Variants in ANKRD12 observed in about 807,000 individuals in gnomAD.
The protein encoded by ANKRD12 is ankyrin repeat domain-containing protein 12.
A neutral mutation model predicts 183.4 loss-of-function variants in ANKRD12; 85 were observed. The ratio of observed to expected loss-of-function variants is 0.46; its 90% CI spans 0.39 to 0.56. The LOEUF (loss-of-function observed/expected upper bound fraction) is 0.56. ANKRD12 is among the 20% of genes least tolerant of loss of function. The pLI is 0.00. For synonymous variants in ANKRD12, 914 were observed against 800.2 expected (o/e 1.14, Z -2.40); for missense variants, 2,405 against 2,357.1 (o/e 1.02, Z -0.42).
At chr18:9,218,326 A>T (rs1023894524) in intron 7 of ANKRD12, among the ~76,000 whole-genome samples, 1 of 152,196 alleles carries the variant, frequency 6.6e-6, no homozygotes, top group Admixed American at 6.5e-5. Flanking sequence ...CATGCCTAGG[A>T]TAGTAGGAGT....
intron 1 of ANKRD12, among the ~76,000 whole-genome samples, chr18:9,161,814 A>G (rs1364980251): frequency 2.0e-5 from 3 of 151,778 alleles, no homozygotes. Context: ...CACATTCATT[A>G]TCTCTCATAT....
intron 11 of ANKRD12, among the ~76,000 whole-genome samples, chr18:9,278,583 G>A (rs1183394991): frequency 1.3e-5 from 2 of 152,202 alleles, no homozygotes; most frequent in South Asian, 2.1e-4. Context: ...CAGATCACGA[G>A]GTCAGGAGTT....
At chr18:9,270,592 A>G (rs1323340449) in intron 10 of ANKRD12, among the ~76,000 whole-genome samples, 2 of 152,120 alleles carry the variant, frequency 1.3e-5, no homozygotes, top group East Asian at 3.9e-4. Flanking sequence ...AGGAAGGGGA[A>G]TGTCACACAC....
chr18:9,213,563 A>G (rs2035925230), intron 6 of ANKRD12, among the ~76,000 whole-genome samples: 1 of 152,094 alleles, frequency 6.6e-6, no homozygotes, highest in South Asian at 2.1e-4. Context: ...GTAGAAAAGT[A>G]TAATGACATA....
chr18:9,250,269 T>G (rs1446491687), intron 8 of ANKRD12: 1 of 152,196 alleles, frequency 6.6e-6, no homozygotes, highest in Non-Finnish European at 1.5e-5. Flanking sequence ...TCTTTATCAT[T>G]GTTGGAGTTT....
intron 5 of ANKRD12, 67 bp downstream of exon 5, chr18:9,208,870 TAAC>T: frequency 5.2e-6 from 7 of 1,353,866 alleles, no homozygotes; most frequent in Non-Finnish European, 6.9e-6. Context: ...AGTCTCGTCT[TAAC>T]AATTATTTTA....
Position 9,257,572 on chromosome 18 carries a change from C to T in ANKRD12, c.4305C>T (p.Ile1435=). The T allele has an allele frequency of 1.2e-6, 2 of 1,614,052 alleles. No homozygotes were observed. The highest frequency in any genetic ancestry group is 1.7e-6 in the Non-Finnish European group (2 of 1,179,962). The change falls in exon 9 of 13, where the codon ATC becomes ATT. Residue 1435 remains isoleucine (I), a synonymous_variant. Transcript: ENST00000262126. ...AGACATTAAGCACCAGAGACTTTAT[C>T]TGCCCAAATTCTAACATACCTGATC... ...RLETLSTRDF[I]CPNSNIPDQE...
intron 2 of ANKRD12, among the ~76,000 whole-genome samples, chr18:9,189,640 C>T (rs1204414428): frequency 3.3e-5 from 5 of 152,272 alleles, no homozygotes; most frequent in African/African-American, 9.6e-5. Flanking sequence ...ATTGCAAAAA[C>T]GCCAAGACCC....
At chr18:9,178,396 A>G (rs1335938401) in intron 1 of ANKRD12, among the ~76,000 whole-genome samples, 2 of 152,096 alleles carry the variant, frequency 1.3e-5, no homozygotes, top group Admixed American at 6.5e-5. Context: ...TGAAAGGAAT[A>G]TATCCTTTTC....
chr18:9,216,842 C>T lies in ANKRD12; in HGVS notation c.737C>T (p.Thr246Ile). The T allele has an allele frequency of 1.2e-6, 2 of 1,613,534 alleles. No homozygotes were observed. Among genetic ancestry groups the T allele is most frequent in the East Asian group, 4.5e-5 (2 of 44,848 alleles). ...ILIAAGADVN[T>I]QGLDDDTPLH... Reference sequence around the variant, plus strand: ...ATAGCAGCTGGAGCAGATGTTAACACACAAGGATTAGATGATGACACTCCA... The same window carrying T: ...ATAGCAGCTGGAGCAGATGTTAACATACAAGGATTAGATGATGACACTCCA... The change falls in exon 7 of 13, where the codon ACA becomes ATA. Residue 246 changes from threonine (T) to isoleucine (I), a missense_variant. By Grantham distance (89) the Thr-to-Ile change is moderately conservative (BLOSUM62 -1). Transcript: ENST00000262126.
At chr18:9,147,000 G>A (rs1210957714) in intron 1 of ANKRD12, among the ~76,000 whole-genome samples, 1 of 152,144 alleles carries the variant, frequency 6.6e-6, no homozygotes, top group African/African-American at 2.4e-5. Flanking sequence ...GGATCAGGGT[G>A]GAAATGATGT....
intron 7 of ANKRD12, among the ~76,000 whole-genome samples, chr18:9,219,840 C>G (rs1361031699): frequency 1.3e-5 from 2 of 151,934 alleles, no homozygotes; most frequent in Non-Finnish European, 2.9e-5. Context: ...ACTATTAGAT[C>G]AAAGGTTTTT....
At chr18:9,190,024 A>G (rs2034354594) in intron 2 of ANKRD12, among the ~76,000 whole-genome samples, 1 of 152,264 alleles carries the variant, frequency 6.6e-6, no homozygotes. Flanking sequence ...GGGCAAAAAA[A>G]TTGAAAACCA....
At chr18:9,191,875 A>G (rs150717839) in intron 2 of ANKRD12, among the ~76,000 whole-genome samples, 35 of 152,270 alleles carry the variant, frequency 2.3e-4, no homozygotes, top group Admixed American at 3.3e-4. Context: ...CACCAATTAG[A>G]GAAACAGCTC....
At chr18:9,167,099 A>G (rs1414090405) in intron 1 of ANKRD12, among the ~76,000 whole-genome samples, 1 of 152,184 alleles carries the variant, frequency 6.6e-6, no homozygotes, top group Non-Finnish European at 1.5e-5. Flanking sequence ...TACCAGTACC[A>G]TGCTGTTTTG....
At chr18:9,213,949 A>G (rs1354992935) in intron 6 of ANKRD12, among the ~76,000 whole-genome samples, 1 of 152,020 alleles carries the variant, frequency 6.6e-6, no homozygotes, top group Non-Finnish European at 1.5e-5. Context: ...ATTATTAAAA[A>G]TTATATCAAG....
chr18:9,230,821 G>T (rs1279726838), intron 8 of ANKRD12, among the ~76,000 whole-genome samples: 2 of 151,532 alleles, frequency 1.3e-5, no homozygotes, highest in African/African-American at 4.9e-5. Flanking sequence ...ATCACACCTG[G>T]ATAATTTTTG....
intron 6 of ANKRD12, 69 bp from the exon 7 acceptor site, chr18:9,216,689 A>G (rs2036128056): frequency 2.0e-6 from 3 of 1,475,534 alleles, no homozygotes; most frequent in Admixed American, 4.1e-5. Context: ...ACACATTGGT[A>G]TGTATATGAA....
At chr18:9,242,495 A>T (rs75971027) in intron 8 of ANKRD12, among the ~76,000 whole-genome samples, 2,171 of 152,246 alleles carry the variant, frequency 0.014, 53 homozygotes, top group African/African-American at 0.05. Context: ...TAGCTATCTC[A>T]TCCTGTCTGC....
Sources: allele counts gnomAD v4.1 joint callset (sites outside exome capture counted in the v4.1 genomes callset), GRCh38; gene constraint gnomAD v4.1.1; transcripts MANE v1.5; gene names NCBI Gene and HGNC (gene_info 2026-07-23, HGNC 2026-07-21).